SEMA6D: variants seen among roughly 807,000 people sequenced by gnomAD.
The protein encoded by SEMA6D is semaphorin-6D.
Under a neutral mutation model 106.6 loss-of-function variants are expected in SEMA6D, and 35 were observed. The observed-to-expected ratio is 0.33, with a 90% CI of 0.25 to 0.44. The LOEUF (loss-of-function observed/expected upper bound fraction) is 0.44. Among genes scored for constraint, SEMA6D ranks in the 20% least tolerant of loss-of-function variants. The pLI is 1.00. For missense variants in SEMA6D, 1,185 were observed against 1,345.9 expected (o/e 0.88, Z 1.87); for synonymous variants, 499 against 487.7 (o/e 1.02, Z -0.31).
chr15:47,519,975 A>G (rs1406531294), intron 3 of SEMA6D, among the ~76,000 whole-genome samples: 1 of 152,212 alleles, frequency 6.6e-6, no homozygotes, highest in Non-Finnish European at 1.5e-5. Flanking sequence ...TTCTCAGCCT[A>G]TGCTAATCTT....
chr15:47,710,491 AT>A (rs1411190784), intron 4 of SEMA6D, among the ~76,000 whole-genome samples: 2 of 152,332 alleles, frequency 1.3e-5, no homozygotes, highest in Admixed American at 1.3e-4. Flanking sequence ...TTCAGAACAT[AT>A]TGTGGTAGTT....
intron 1 of SEMA6D, among the ~76,000 whole-genome samples, chr15:47,206,058 T>C (rs1225754933): frequency 6.6e-6 from 1 of 152,212 alleles, no homozygotes; most frequent in Admixed American, 6.5e-5. Context: ...TTAGTTTCCT[T>C]CATTTCAACA....
rs112121680 is a variant in SEMA6D, at chr15:47,705,233, G to C, written c.-54-54512G>C. On this transcript the variant is annotated intron_variant, in intron 4 of 19. Transcript: ENST00000558014. ...TAGAGGGGCTTATTGTAATGGAGAAGGGAGGCAGATCAAAGCACCCCCAAG... is the reference window on the plus strand; with the variant it reads ...TAGAGGGGCTTATTGTAATGGAGAACGGAGGCAGATCAAAGCACCCCCAAG... Among the ~76,000 whole-genome samples the C allele has an allele frequency of 8.4e-3, 1,276 of 152,250 alleles. 6 individuals are homozygous for C. Among genetic ancestry groups the C allele is most frequent in the Non-Finnish European group, 0.014 (984 of 68,014 alleles).
chr15:47,243,907 A>G (rs2033063649), intron 1 of SEMA6D, among the ~76,000 whole-genome samples: 1 of 152,188 alleles, frequency 6.6e-6, no homozygotes, highest in Non-Finnish European at 1.5e-5. Flanking sequence ...CATGCTATGG[A>G]TATAGCAATG....
intron 3 of SEMA6D, among the ~76,000 whole-genome samples, chr15:47,486,568 A>G (rs1250585323): frequency 1.3e-5 from 2 of 152,198 alleles, no homozygotes; most frequent in South Asian, 2.1e-4. Context: ...GTGCACTACA[A>G]TGAAGAAAAC....
At chr15:47,236,637 C>G (rs2141671150) in intron 1 of SEMA6D, among the ~76,000 whole-genome samples, 1 of 152,196 alleles carries the variant, frequency 6.6e-6, no homozygotes, top group South Asian at 2.1e-4. Context: ...CAGATGAATC[C>G]TGCTGTTGCT....
intron 3 of SEMA6D, among the ~76,000 whole-genome samples, chr15:47,522,599 G>A (rs537193208): frequency 5.9e-5 from 9 of 152,254 alleles, no homozygotes; most frequent in Admixed American, 5.9e-4. Context: ...GAAGCCAAAG[G>A]GGGTCTTTAG....
At chr15:47,375,872 G>A (rs986305848) in intron 1 of SEMA6D, among the ~76,000 whole-genome samples, 7 of 152,170 alleles carry the variant, frequency 4.6e-5, no homozygotes, top group African/African-American at 1.7e-4. Flanking sequence ...AAAGGATGAA[G>A]AAGATTAAAT....
chr15:47,426,485 G>T (rs2041343687), intron 2 of SEMA6D, among the ~76,000 whole-genome samples: 1 of 152,130 alleles, frequency 6.6e-6, no homozygotes, highest in Non-Finnish European at 1.5e-5. Flanking sequence ...GTCCGACATT[G>T]TGGGGTACGT....
intron 4 of SEMA6D, among the ~76,000 whole-genome samples, chr15:47,685,772 A>G (rs755721978): frequency 1.3e-5 from 2 of 152,186 alleles, no homozygotes; most frequent in Non-Finnish European, 2.9e-5. Flanking sequence ...ATCTAGAGCT[A>G]ACCATATGAG....
chr15:47,346,882 C>G (rs537138262), intron 1 of SEMA6D, among the ~76,000 whole-genome samples: 2 of 151,834 alleles, frequency 1.3e-5, no homozygotes, highest in Non-Finnish European at 2.9e-5. Context: ...TTTGTGATTC[C>G]ACTGAAGTAT....
At chr15:47,224,495 TTTACA>T (rs2031482686) in intron 1 of SEMA6D, among the ~76,000 whole-genome samples, 1 of 152,074 alleles carries the variant, frequency 6.6e-6, no homozygotes, top group Non-Finnish European at 1.5e-5. Flanking sequence ...TTGTCTCCAT[TTTACA>T]TATAGGGAAA....
intron 3 of SEMA6D, among the ~76,000 whole-genome samples, chr15:47,516,502 T>C (rs191736151): frequency 3.7e-4 from 56 of 152,312 alleles, no homozygotes; most frequent in African/African-American, 1.1e-3. Context: ...GCCTAATTTA[T>C]TATCTGATCA....
intron 17 of SEMA6D, 42 bp downstream of exon 17, chr15:47,767,135 T>C (rs766591653): frequency 1.9e-5 from 25 of 1,337,256 alleles, no homozygotes; most frequent in Non-Finnish European, 2.5e-5. Flanking sequence ...ACCTTTTCTT[T>C]CCTTCAGTTC....
chr15:47,587,866 C>T (rs1415849359), intron 3 of SEMA6D, among the ~76,000 whole-genome samples: 1 of 152,038 alleles, frequency 6.6e-6, no homozygotes, highest in African/African-American at 2.4e-5. Flanking sequence ...GAATCTCCTC[C>T]CCTTTCTCCA....
At position 47,506,599 on chromosome 15, in the gene SEMA6D, A is replaced by AACACACACACACACAC. The variant is rs61155774; in HGVS notation, c.-87+36072_-87+36087dup. Among the ~76,000 whole-genome samples, 80 of 137,890 alleles carry AACACACACACACACAC rather than the reference A, an allele frequency of 5.8e-4. 2 individuals are homozygous for AACACACACACACACAC. Among genetic ancestry groups the AACACACACACACACAC allele is most frequent in the African/African-American group, 1.9e-3 (67 of 35,904 alleles). 90.5% of individuals were successfully genotyped at this position (137,890 alleles called of 152,430 possible). On this transcript the variant is annotated intron_variant, in intron 3 of 19. Coordinates refer to the SEMA6D transcript ENST00000558014. ...CTACATGGGCATTTACACACACACA[A>AACACACACACACACAC]ACACACACACACACACACACACACA...
At chr15:47,419,675 C>T (rs574158180) in intron 2 of SEMA6D, among the ~76,000 whole-genome samples, 5 of 152,078 alleles carry the variant, frequency 3.3e-5, no homozygotes, top group African/African-American at 9.6e-5. Context: ...GTGGAATGGG[C>T]GTTATCTGGA....
intron 1 of SEMA6D, chr15:47,731,031 C>T: frequency 1.7e-6 from 1 of 592,368 alleles, no homozygotes. Context: ...TAATCTACTT[C>T]ATGAATGTGC....
intron 3 of SEMA6D, among the ~76,000 whole-genome samples, chr15:47,589,816 A>G (rs1192857188): frequency 6.6e-6 from 1 of 152,192 alleles, no homozygotes; most frequent in African/African-American, 2.4e-5. Flanking sequence ...GCCAAATTGT[A>G]GTAGGTTGAG....
Sources: gnomAD v4.1 joint callset for allele counts (sites outside exome capture counted in the v4.1 genomes callset) on GRCh38, gnomAD v4.1.1 for gene constraint, MANE v1.5 for transcripts, NCBI Gene and HGNC (gene_info 2026-07-23, HGNC 2026-07-21) for gene names.